Variants in ILRUN observed in about 807,000 individuals in gnomAD.
ILRUN encodes the protein inflammation and lipid regulator with UBA-like and NBR1-like domains.
In ILRUN, 3 loss-of-function variants were observed where a neutral mutation model predicts 33.8. The ratio of observed to expected loss-of-function variants is 0.09; its 90% CI spans 0.04 to 0.23. The LOEUF is 0.23. Among genes scored for constraint, ILRUN ranks in the 10% least tolerant of loss-of-function variants. ILRUN has a pLI of 1.00. For synonymous variants in ILRUN, 124 were observed against 138.9 expected (o/e 0.89, Z 0.75); for missense variants, 210 against 375.1 (o/e 0.56, Z 3.64).
chr6:34,632,941 CAA>C (rs1412629207), intron 3 of ILRUN, among the ~76,000 whole-genome samples: 1 of 152,132 alleles, frequency 6.6e-6, no homozygotes, highest in African/African-American at 2.4e-5. Flanking sequence ...AAACTAAATT[CAA>C]ACATTTCAAT....
rs537749766 is a variant in ILRUN at position 34,603,122 on chromosome 6, T to C, written c.861+3433A>G. On this transcript the variant is annotated intron_variant, in intron 4 of 4. Coordinates refer to ENST00000374023, the MANE Select transcript of ILRUN (RefSeq NM_024294.4). ...GCATCACGTTCTTTCCCAGCCTTGA[T>C]GGCAAGCAGAGATCTCTCTGGAGTT... Among the ~76,000 whole-genome samples the C allele has an allele frequency of 1.6e-4, 24 of 152,288 alleles. 1 individual carries two copies. The South Asian group carries it at 4.3e-3, about 28-fold the overall frequency.
intron 2 of ILRUN, among the ~76,000 whole-genome samples, chr6:34,647,393 C>T (rs527352608): frequency 6.6e-6 from 1 of 152,008 alleles, no homozygotes; most frequent in African/African-American, 2.4e-5. Context: ...AAAGTTTAGA[C>T]CTTGGGTGGT....
chr6:34,614,533 A>AT (rs1012099643), intron 3 of ILRUN, among the ~76,000 whole-genome samples: 1 of 147,768 alleles, frequency 6.8e-6, no homozygotes, highest in Non-Finnish European at 1.5e-5. Flanking sequence ...ATGGATCCAC[A>AT]GTGCTATACA....
intron 4 of ILRUN, among the ~76,000 whole-genome samples, chr6:34,597,277 G>T (rs1761421365): frequency 6.6e-6 from 1 of 152,256 alleles, no homozygotes; most frequent in South Asian, 2.1e-4. Context: ...TAGCTCCAAA[G>T]ATCTGATGTA....
intron 1 of ILRUN, among the ~76,000 whole-genome samples, chr6:34,667,928 A>G (rs1485446688): frequency 6.6e-6 from 1 of 152,220 alleles, no homozygotes; most frequent in Non-Finnish European, 1.5e-5. Context: ...AAGGTTGTAA[A>G]GGGCAATTCT....
intron 4 of ILRUN, among the ~76,000 whole-genome samples, chr6:34,602,934 T>G (rs1256872345): frequency 1.2e-4 from 19 of 152,222 alleles, no homozygotes; most frequent in Admixed American, 1.2e-3. Context: ...TTCCTGGCAC[T>G]GACAGATGTG....
At position 34,654,536 on chromosome 6, in the gene ILRUN, T is replaced by C; in HGVS notation, c.313+89A>G. On this transcript the variant is annotated intron_variant, in intron 2 of 4. Transcript: ENST00000374023. Reference sequence around the variant, plus strand: ...TAAGAGAAAGCTCGCAGTTACACAATCACATACATAAGCTAAAACATTTCC... The same window carrying C: ...TAAGAGAAAGCTCGCAGTTACACAACCACATACATAAGCTAAAACATTTCC... 4.4e-6 allele frequency: 6 copies of C among 1,363,774 alleles called. No homozygotes were observed. The South Asian group carries it at 8.6e-5, about 20-fold the overall frequency. 84.5% of individuals were successfully genotyped at this position (1,363,774 alleles called of 1,614,324 possible).
chr6:34,611,021 G>A (rs1761736364), intron 3 of ILRUN, among the ~76,000 whole-genome samples: 1 of 151,090 alleles, frequency 6.6e-6, no homozygotes, highest in African/African-American at 2.4e-5. Context: ...GACCATTCTG[G>A]GCAACACAGT....
At position 34,673,904 on chromosome 6, in the gene ILRUN, TACAC is replaced by T. The variant is rs370280008; in HGVS notation, c.159-19129_159-19126del. ...TGTCTCAAAAACAGTAACAACCACATACACACACACACACACACACACACACACA... is the reference window on the plus strand; with the variant it reads ...TGTCTCAAAAACAGTAACAACCACATACACACACACACACACACACACACA... On this transcript the variant is annotated intron_variant, in intron 1 of 4. Transcript: ENST00000374023. Among the ~76,000 whole-genome samples, 230 of 113,086 alleles carry T rather than the reference TACAC, an allele frequency of 2.0e-3. 4 individuals are homozygous for T. Among genetic ancestry groups the T allele is most frequent in the African/African-American group, 4.9e-3 (139 of 28,188 alleles). 74.2% of individuals were successfully genotyped at this position (113,086 alleles called of 152,430 possible).
chr6:34,690,062 T>G (rs1050994429), intron 1 of ILRUN, among the ~76,000 whole-genome samples: 1 of 152,168 alleles, frequency 6.6e-6, no homozygotes, highest in Non-Finnish European at 1.5e-5. Flanking sequence ...TATTAACTCC[T>G]AAGTTAATGT....
In ILRUN at chr6:34,604,726, G is replaced by A. The variant is rs563515600; in HGVS notation, c.861+1829C>T. Among the ~76,000 whole-genome samples, 16 of 152,270 alleles carry A rather than the reference G, an allele frequency of 1.1e-4. No homozygotes were observed. The South Asian group carries it at 2.7e-3, about 26-fold the overall frequency. ...TTATTAGAGTGTTAAGATGTGAAAC[G>A]TCTTTCCTCAAATACAGGCAATTTA... On this transcript the variant is annotated intron_variant, in intron 4 of 4. Coordinates refer to ENST00000374023, the MANE Select transcript of ILRUN (RefSeq NM_024294.4).
intron 3 of ILRUN, among the ~76,000 whole-genome samples, chr6:34,640,565 C>T (rs1462589641): frequency 6.6e-6 from 1 of 151,872 alleles, no homozygotes; most frequent in Non-Finnish European, 1.5e-5. Context: ...CAAAAATTAG[C>T]CGGGTGTGGT....
At chr6:34,601,077 T>G (rs913572213) in intron 4 of ILRUN, among the ~76,000 whole-genome samples, 2 of 152,330 alleles carry the variant, frequency 1.3e-5, no homozygotes, top group African/African-American at 4.8e-5. Context: ...TGTCAAGCAC[T>G]GAGCCTATTG....
chr6:34,649,732 C>A (rs1237773886), intron 2 of ILRUN, among the ~76,000 whole-genome samples: 1 of 152,114 alleles, frequency 6.6e-6, no homozygotes, highest in Non-Finnish European at 1.5e-5. Flanking sequence ...TCCTTTTTAA[C>A]CCTTATAAGT....
chr6:34,650,840 T>C (rs974934395), intron 2 of ILRUN, among the ~76,000 whole-genome samples: 1 of 152,180 alleles, frequency 6.6e-6, no homozygotes, highest in African/African-American at 2.4e-5. Context: ...ATCAGTCTCA[T>C]CTGTGGTATA....
chr6:34,603,803 G>T (rs945403985), intron 4 of ILRUN, among the ~76,000 whole-genome samples: 1 of 152,108 alleles, frequency 6.6e-6, no homozygotes, highest in Non-Finnish European at 1.5e-5. Flanking sequence ...AGTGGGTAGG[G>T]ATCCTTTTAT....
At chr6:34,666,987 A>G (rs762243548) in intron 1 of ILRUN, among the ~76,000 whole-genome samples, 45 of 152,242 alleles carry the variant, frequency 3.0e-4, no homozygotes, top group Non-Finnish European at 2.8e-4. Flanking sequence ...TATCACCAGT[A>G]AAATTAGTGG....
At chr6:34,616,186 G>A (rs1334994929) in intron 3 of ILRUN, among the ~76,000 whole-genome samples, 1 of 152,228 alleles carries the variant, frequency 6.6e-6, no homozygotes, top group Non-Finnish European at 1.5e-5. Context: ...CCTGGGAGTT[G>A]TGAGACATGA....
chr6:34,606,417 G>T lies in ILRUN; in HGVS notation c.861+138C>A, dbSNP rs973998876. ...AGAAGGGGTAAGCTTTTGCATTGTT[G>T]CTATTGGCAGGAGAGCTGAGCAGTC... On this transcript the variant is annotated intron_variant, in intron 4 of 4. Transcript: ENST00000374023. 5 of 634,804 alleles carry T rather than the reference G, an allele frequency of 7.9e-6. No individual in the cohort carries two copies. In the African/African-American group the frequency reaches 9.2e-5, roughly 12 times the overall value. The allele number at this position is 634,804 out of a possible 1,614,324, so 39.3% of individuals were successfully genotyped here.
Sources: gnomAD v4.1 joint callset for allele counts (sites outside exome capture counted in the v4.1 genomes callset) on GRCh38, gnomAD v4.1.1 for gene constraint, MANE v1.5 for transcripts, NCBI Gene and HGNC (gene_info 2026-07-23, HGNC 2026-07-21) for gene names.